The following KIF25 variants were observed in gnomAD, a reference collection of about 807,000 sequenced individuals.
KIF25 encodes kinesin-like protein KIF25.
A neutral mutation model predicts 32.9 loss-of-function variants in KIF25; 19 were observed. The observed-to-expected ratio is 0.58, with a 90% CI of 0.40 to 0.85. The LOEUF is 0.85. Among genes scored for constraint, KIF25 ranks in the 40% least tolerant of loss-of-function variants. The pLI is 0.00. For missense variants in KIF25, 485 were observed against 507.0 expected (o/e 0.96, Z 0.42); for synonymous variants, 225 against 213.7 (o/e 1.05, Z -0.46).
At chr6:167,998,960 G>C (rs1402135609) in intron 1 of KIF25, 90 bp downstream of exon 1, 1 of 152,294 alleles carries the variant, frequency 6.6e-6, no homozygotes, top group Non-Finnish European at 1.5e-5. Context: ...GCTGAGGCAG[G>C]AGAATCACTT....
intron 7 of KIF25, among the ~76,000 whole-genome samples, chr6:168,033,157 G>A (rs1798965118): frequency 6.6e-6 from 1 of 152,088 alleles, no homozygotes; most frequent in South Asian, 2.1e-4. Context: ...ATTGACTGTG[G>A]ACATGAACAC....
At chr6:168,013,726 G>A (rs1798678749) in intron 4 of KIF25, among the ~76,000 whole-genome samples, 2 of 136,762 alleles carry the variant, frequency 1.5e-5, no homozygotes, top group South Asian at 2.4e-4. Flanking sequence ...CCCTGCAAGG[G>A]GAAGTCCCTT....
chr6:168,013,776 T>G (rs1220089771), intron 4 of KIF25, among the ~76,000 whole-genome samples: 1 of 152,124 alleles, frequency 6.6e-6, no homozygotes, highest in Non-Finnish European at 1.5e-5. Context: ...GAGATGGGGC[T>G]GCAGAAGCCA....
intron 4 of KIF25, among the ~76,000 whole-genome samples, chr6:168,016,129 G>A (rs535545763): frequency 3.8e-4 from 58 of 152,284 alleles, no homozygotes; most frequent in African/African-American, 9.9e-4. Flanking sequence ...CTAGGCTGGC[G>A]GTTGGATTAG....
chr6:168,044,301 T>C (rs57249141), intron 12 of KIF25, among the ~76,000 whole-genome samples: 10 of 102,526 alleles, frequency 9.8e-5, no homozygotes, highest in East Asian at 4.3e-4. Context: ...AGGTGAGGGA[T>C]GCTAGTGACC....
At chr6:168,024,510 C>T (rs1326613179) in intron 5 of KIF25, among the ~76,000 whole-genome samples, 2 of 140,480 alleles carry the variant, frequency 1.4e-5, no homozygotes, top group East Asian at 2.2e-4. Context: ...TGGGGTTGGC[C>T]TGACTCCTTC....
At chr6:168,013,544 T>TG (rs1798675351) in intron 4 of KIF25, among the ~76,000 whole-genome samples, 1 of 151,988 alleles carries the variant, frequency 6.6e-6, no homozygotes, top group Non-Finnish European at 1.5e-5. Flanking sequence ...CAGGGATGGC[T>TG]GGGGGGTGAG....
chr6:168,015,101 C>CT (rs1798696255), intron 4 of KIF25, among the ~76,000 whole-genome samples: 1 of 152,118 alleles, frequency 6.6e-6, no homozygotes, highest in South Asian at 2.1e-4. Flanking sequence ...ATTACTTGTT[C>CT]TTTTTTAACG....
chr6:168,032,009 C>A (rs1798948598), intron 7 of KIF25, among the ~76,000 whole-genome samples: 1 of 152,164 alleles, frequency 6.6e-6, no homozygotes, highest in East Asian at 1.9e-4. Flanking sequence ...TACATTGGCT[C>A]TGGAATGTCT....
At chr6:168,042,352 G>T (rs57022716) in intron 11 of KIF25, among the ~76,000 whole-genome samples, 3,577 of 152,168 alleles carry the variant, frequency 0.024, 157 homozygotes, top group African/African-American at 0.082. Context: ...TTCCTCACAC[G>T]GGCCCTCTGG....
Position 168,041,979 on chromosome 6 carries a change from C to G in KIF25, c.657C>G (p.Ala219=). Residue 219 remains alanine, a synonymous_variant, in exon 11 of 13, where the codon GCC becomes GCG. Coordinates refer to ENST00000643607, the MANE Select transcript of KIF25 (RefSeq NM_030615.4). ...ASCSDSTADQ[A]CSATLPREQT... ...CTTGGTCCCTTGCAGCAGACCAAGC[C>G]TGCAGTGCCACCCTCCCCAGGGAGC... 1.9e-6 allele frequency: 3 copies of G among 1,551,718 alleles called. No individual in the cohort carries two copies. The highest frequency in any genetic ancestry group is 2.6e-6 in the Non-Finnish European group (3 of 1,147,156).
At chr6:168,015,183 G>A (rs530872809) in intron 4 of KIF25, among the ~76,000 whole-genome samples, 3 of 152,238 alleles carry the variant, frequency 2.0e-5, no homozygotes, top group East Asian at 3.9e-4. Context: ...TGGCTTGCAC[G>A]GAGCTTGTAG....
chr6:168,037,402 C>G (rs6910870), intron 8 of KIF25, among the ~76,000 whole-genome samples: 4 of 152,116 alleles, frequency 2.6e-5, no homozygotes, highest in African/African-American at 9.7e-5. Context: ...ACTTCCCGCC[C>G]GGTTCTCAGA....
At chr6:168,000,859 G>T (rs1798491264) in intron 2 of KIF25, among the ~76,000 whole-genome samples, 1 of 152,232 alleles carries the variant, frequency 6.6e-6, no homozygotes, top group Non-Finnish European at 1.5e-5. Context: ...CACTTAATCT[G>T]TCCAAATGAG....
intron 4 of KIF25, among the ~76,000 whole-genome samples, chr6:168,016,543 G>A (rs1037411407): frequency 6.6e-5 from 10 of 152,122 alleles, no homozygotes; most frequent in African/African-American, 2.4e-4. Context: ...TACAAATCAC[G>A]GTAGCAAGTG....
At chr6:168,027,737 G>C (rs1798883523) in intron 5 of KIF25, among the ~76,000 whole-genome samples, 1 of 152,166 alleles carries the variant, frequency 6.6e-6, no homozygotes, top group Non-Finnish European at 1.5e-5. Flanking sequence ...GAGGTCAGAT[G>C]CATGGGTTGT....
At chr6:168,034,757 G>A (rs1798992271) in intron 8 of KIF25, among the ~76,000 whole-genome samples, 2 of 152,190 alleles carry the variant, frequency 1.3e-5, no homozygotes, top group South Asian at 4.1e-4. Context: ...AGCCAACATG[G>A]CCTGCGAAGA....
intron 7 of KIF25, among the ~76,000 whole-genome samples, chr6:168,031,958 T>C (rs1198470967): frequency 6.6e-6 from 1 of 152,154 alleles, no homozygotes; most frequent in African/African-American, 2.4e-5. Flanking sequence ...TTTTGTACAT[T>C]TCAGGGAGAC....
Position 168,042,543 on chromosome 6 carries a change from C to A in KIF25, c.830-18C>A. On this transcript the variant is annotated intron_variant, in intron 11 of 12. Coordinates refer to ENST00000643607, the MANE Select transcript of KIF25 (RefSeq NM_030615.4). ...TTTCTTGGTGCAAACGGTGATGGTGCGTGGCGGTCCTGTCCAGGTGTGTCT... is the reference window on the plus strand; with the variant it reads ...TTTCTTGGTGCAAACGGTGATGGTGAGTGGCGGTCCTGTCCAGGTGTGTCT... 3 of 1,606,546 alleles carry A rather than the reference C, an allele frequency of 1.9e-6. No homozygotes were observed. The highest frequency in any genetic ancestry group is 2.6e-6 in the Non-Finnish European group (3 of 1,175,578).
Sources: gnomAD v4.1 joint callset for allele counts (sites outside exome capture counted in the v4.1 genomes callset) on GRCh38, gnomAD v4.1.1 for gene constraint, MANE v1.5 for transcripts, NCBI Gene and HGNC (gene_info 2026-07-23, HGNC 2026-07-21) for gene names.